The following MED12L variants were observed in gnomAD, a reference collection of about 807,000 sequenced individuals.
The protein encoded by MED12L is mediator of RNA polymerase II transcription subunit 12-like protein.
A neutral mutation model predicts 281.3 loss-of-function variants in MED12L; 60 were observed. The ratio of observed to expected loss-of-function variants is 0.21; its 90% CI spans 0.17 to 0.26. MED12L has a LOEUF of 0.26. Ranked by LOEUF, MED12L falls within the 10% of genes least tolerant of loss-of-function variation. MED12L has a pLI of 1.00. For missense variants in MED12L, 2,146 were observed against 2,680.9 expected (o/e 0.80, Z 4.41); for synonymous variants, 974 against 987.2 (o/e 0.99, Z 0.25).
chr3:151,405,682 A>G (rs1218502568), intron 39 of MED12L, among the ~76,000 whole-genome samples: 3 of 152,178 alleles, frequency 2.0e-5, no homozygotes, highest in East Asian at 1.9e-4. Context: ...ATGTTCCCAT[A>G]TAGTTCTCTC....
Position 151,387,931 on chromosome 3 carries a change from A to G in MED12L, c.5210A>G (p.Lys1737Arg), listed in dbSNP as rs760106340. ...GTVRVDRRVI[K>R]YEEQHHLLLY... Reference sequence around the variant, plus strand: ...GTCCGAGTGGACCGAAGAGTGATCAAGTACGAGGAGCAGCATCACCTCCTG... The same window carrying G: ...GTCCGAGTGGACCGAAGAGTGATCAGGTACGAGGAGCAGCATCACCTCCTG... The change falls in exon 37 of 45, where the codon AAG becomes AGG. Residue 1737 changes from lysine (K) to arginine (R), a missense_variant. Physicochemically the swap from Lys to Arg is conservative, Grantham distance 26. Transcript: ENST00000687756. The G allele has an allele frequency of 7.4e-6, 12 of 1,614,080 alleles. No homozygotes were observed. The highest frequency in any genetic ancestry group is 1.0e-5 in the Non-Finnish European group (12 of 1,180,004).
intron 8 of MED12L, among the ~76,000 whole-genome samples, chr3:151,160,613 A>G (rs899147702): frequency 2.0e-5 from 3 of 152,138 alleles, no homozygotes; most frequent in Admixed American, 2.0e-4. Flanking sequence ...CCTGCCCTAG[A>G]GGAGCTCACA....
intron 43 of MED12L, chr3:151,425,879 G>T: frequency 2.5e-6 from 1 of 401,102 alleles, no homozygotes; most frequent in Non-Finnish European, 5.1e-6. Context: ...ATCTTTGAAG[G>T]ATGAGTAGAT....
rs547936154 is a variant in MED12L at position 151,372,638 on chromosome 3, T to C, written c.3736T>C (p.Cys1246Arg). The change falls in exon 27 of 45, where the codon TGT becomes CGT. Residue 1246 changes from cysteine to arginine, a missense_variant. Cys to Arg is a radical substitution (Grantham distance 180). Transcript: ENST00000687756. ...TGACTTCACCATGAGAGGTTTGCGATGTGATGGGAATGCTGATGATATCTG... is the reference window on the plus strand; with the variant it reads ...TGACTTCACCATGAGAGGTTTGCGACGTGATGGGAATGCTGATGATATCTG... ...NDDFTMRGLR[C>R]DGNADDIWTA... 2.0e-5 allele frequency: 32 copies of C among 1,613,946 alleles called. No individual in the cohort carries two copies. The highest frequency in any genetic ancestry group is 2.4e-5 in the Non-Finnish European group (28 of 1,179,854).
At chr3:151,338,070 T>C (rs1465590813) in intron 16 of MED12L, 3 of 1,613,884 alleles carry the variant, frequency 1.9e-6, no homozygotes, top group Non-Finnish European at 2.5e-6. Flanking sequence ...GCTCAGGGTG[T>C]AAGGAATTCG....
At chr3:151,212,287 A>C (rs1727298897) in intron 16 of MED12L, 1 of 152,218 alleles carries the variant, frequency 6.6e-6, no homozygotes, top group South Asian at 2.1e-4. Flanking sequence ...CAGTAACCGT[A>C]TGCCATGTCT....
At chr3:151,098,778 C>A (rs1305206199) in intron 2 of MED12L, among the ~76,000 whole-genome samples, 1 of 151,986 alleles carries the variant, frequency 6.6e-6, no homozygotes, top group East Asian at 1.9e-4. Flanking sequence ...GTTTTTTGGT[C>A]TGTGGGATTG....
intron 16 of MED12L, chr3:151,199,406 G>A: frequency 2.5e-6 from 4 of 1,569,372 alleles, no homozygotes; most frequent in Non-Finnish European, 2.6e-6. Context: ...AAGTAAGGAT[G>A]ACTGCTTATT....
At chr3:151,222,184 T>C (rs1364108788) in intron 16 of MED12L, among the ~76,000 whole-genome samples, 1 of 152,250 alleles carries the variant, frequency 6.6e-6, no homozygotes, top group Non-Finnish European at 1.5e-5. Context: ...CTGCATTGTA[T>C]CTAGGAAGTA....
At chr3:151,185,563 T>G (rs780925629) in intron 12 of MED12L, 102 bp downstream of exon 12, 92 of 1,300,354 alleles carry the variant, frequency 7.1e-5, no homozygotes, top group Non-Finnish European at 9.1e-5. Context: ...TCTTTTGCTC[T>G]TGAGGAAAAA....
At chr3:151,344,683 T>C (rs1439284299) in intron 16 of MED12L, among the ~76,000 whole-genome samples, 1 of 152,232 alleles carries the variant, frequency 6.6e-6, no homozygotes, top group East Asian at 1.9e-4. Flanking sequence ...TGCCATATTT[T>C]GTCTTATCAG....
intron 36 of MED12L, among the ~76,000 whole-genome samples, chr3:151,386,493 G>A (rs1256349642): frequency 1.3e-5 from 2 of 151,466 alleles, no homozygotes; most frequent in African/African-American, 2.4e-5. Flanking sequence ...GGGTTCAAAC[G>A]ATTCTCCTGT....
At chr3:151,150,639 ATCT>A (rs1434595298) in intron 5 of MED12L, among the ~76,000 whole-genome samples, 1 of 152,226 alleles carries the variant, frequency 6.6e-6, no homozygotes, top group Non-Finnish European at 1.5e-5. Context: ...CCTGGATGGC[ATCT>A]TCTTCCAACA....
intron 8 of MED12L, among the ~76,000 whole-genome samples, chr3:151,162,198 G>A (rs182822459): frequency 1.3e-5 from 2 of 152,216 alleles, no homozygotes; most frequent in Admixed American, 1.3e-4. Flanking sequence ...GTATTAGAGG[G>A]CTTTGGAATC....
intron 5 of MED12L, among the ~76,000 whole-genome samples, chr3:151,153,300 C>G (rs1326075430): frequency 6.6e-6 from 1 of 152,164 alleles, no homozygotes; most frequent in Non-Finnish European, 1.5e-5. Flanking sequence ...AAAAAGCTGT[C>G]ATTCTTTTCA....
intron 16 of MED12L, among the ~76,000 whole-genome samples, chr3:151,274,416 G>A (rs558854713): frequency 8.5e-5 from 13 of 152,166 alleles, no homozygotes; most frequent in African/African-American, 3.1e-4. Context: ...TTCTATAAAG[G>A]TAGTGCTTAT....
In MED12L at chr3:151,365,013, A is replaced by G. The variant is rs770859449; in HGVS notation, c.2992A>G (p.Asn998Asp). The G allele has an allele frequency of 6.2e-7, 1 of 1,614,032 alleles. No homozygotes were observed. The highest frequency in any genetic ancestry group is 8.5e-7 in the Non-Finnish European group (1 of 1,179,898). The change falls in exon 22 of 45, where the codon AAT (asparagine) becomes GAT (aspartate). Residue 998 changes from asparagine (N) to aspartate (D), a missense_variant. Physicochemically the swap from Asn to Asp is conservative, Grantham distance 23. This residue lies in a region of MED12L where 404 missense variants were observed against 603.5 expected (regional missense o/e 0.67). Coordinates refer to ENST00000687756, the MANE Select transcript of MED12L (RefSeq NM_001393769.1). ...TTCAAAAGTAAAGCAAACCATATATAATAACGTGATGCCTGCAAATTCGAA... is the reference window on the plus strand; with the variant it reads ...TTCAAAAGTAAAGCAAACCATATATGATAACGTGATGCCTGCAAATTCGAA... ...ACSKVKQTIY[N>D]NVMPANSNLR...
intron 39 of MED12L, among the ~76,000 whole-genome samples, chr3:151,405,721 G>T (rs1220430658): frequency 1.3e-5 from 2 of 152,098 alleles, no homozygotes; most frequent in Non-Finnish European, 2.9e-5. Context: ...AAGTTAAAGT[G>T]GCCTCAGTTG....
chr3:151,275,255 G>A (rs1322677197), intron 16 of MED12L, among the ~76,000 whole-genome samples: 1 of 152,014 alleles, frequency 6.6e-6, no homozygotes, highest in Non-Finnish European at 1.5e-5. Flanking sequence ...ATCGCTTTGG[G>A]CCAACCTCAG....
Sources: gnomAD v4.1 joint callset for allele counts (sites outside exome capture counted in the v4.1 genomes callset) on GRCh38, gnomAD v4.1.1 for gene constraint, gnomAD v4.1.1 regional missense constraint, MANE v1.5 for transcripts, NCBI Gene and HGNC (gene_info 2026-07-23, HGNC 2026-07-21) for gene names.